The following NEDD9 variants were observed in gnomAD, a reference collection of about 807,000 sequenced individuals.
The protein encoded by NEDD9 is enhancer of filamentation 1.
A neutral mutation model predicts 76.6 loss-of-function variants in NEDD9; 26 were observed. The ratio of observed to expected loss-of-function variants is 0.34; its 90% CI spans 0.25 to 0.47. The LOEUF (loss-of-function observed/expected upper bound fraction) is 0.47. Among genes scored for constraint, NEDD9 ranks in the 20% least tolerant of loss-of-function variants. The pLI is 1.00. For missense variants in NEDD9, 937 were observed against 1,058.5 expected, an observed-to-expected ratio of 0.89 and a Z score of 1.59; for synonymous variants, 392 against 414.2, an observed-to-expected ratio of 0.95 and a Z score of 0.65.
rs1179076971 is a variant in NEDD9 at position 11,190,722 on chromosome 6, A to G, written c.1147T>C (p.Ser383Pro). 1 of 1,614,058 alleles carries G rather than the reference A, an allele frequency of 6.2e-7. No homozygotes were observed. The highest frequency in any genetic ancestry group is 8.5e-7 in the Non-Finnish European group (1 of 1,180,040). Residue 383 changes from serine to proline, a missense_variant, in exon 5 of 7, where the codon TCT (serine) becomes CCT (proline). Coordinates refer to ENST00000379446, the MANE Select transcript of NEDD9 (RefSeq NM_006403.4). This position sits in a 1 kb window ranked among gnomAD's most constrained non-coding sequence, Gnocchi z 5.8. ...TGSTRSNMSTSSTSSKESSLS... is the reference protein window; with the variant it reads ...TGSTRSNMSTPSTSSKESSLS... ...GAGGACTCCTTGGAGGAGGTGGAAG[A>G]CGTGGACATGTTACTCCGGGTGCTG...
At chr6:11,296,838 C>T (rs894932430) in intron 3 of NEDD9, among the ~76,000 whole-genome samples, 3 of 152,144 alleles carry the variant, frequency 2.0e-5, no homozygotes, top group African/African-American at 7.2e-5. Context: ...AAGCAATTCT[C>T]CTGCCTCAGC....
Position 11,193,703 on chromosome 6 carries a change from G to A in NEDD9, c.460-11C>T, listed in dbSNP as rs759862844. On this transcript the variant is annotated splice_polypyrimidine_tract_variant and intron_variant, in intron 2 of 6. Coordinates refer to ENST00000379446, the MANE Select transcript of NEDD9 (RefSeq NM_006403.4). ...CACGGGGGTTATCACCTGTGGGAGAGAAGGCACAGAGGTGTAAATTTCCAA... is the reference window on the plus strand; with the variant it reads ...CACGGGGGTTATCACCTGTGGGAGAAAAGGCACAGAGGTGTAAATTTCCAA... The A allele has an allele frequency of 6.3e-6, 10 of 1,599,272 alleles. No individual in the cohort carries two copies. Among genetic ancestry groups the A allele is most frequent in the South Asian group, 4.4e-5 (4 of 90,708 alleles).
chr6:11,341,905 G>A (rs967684239), intron 1 of NEDD9, among the ~76,000 whole-genome samples: 2 of 152,084 alleles, frequency 1.3e-5, no homozygotes, highest in African/African-American at 2.4e-5. Flanking sequence ...AAACATATAT[G>A]TTTTACAATA....
chr6:11,190,456 T>C lies in NEDD9; in HGVS notation c.1413A>G (p.Ala471=), dbSNP rs1330515969. The C allele has an allele frequency of 1.2e-6, 2 of 1,614,204 alleles. No homozygotes were observed. The highest frequency in any genetic ancestry group is 4.5e-5 in the East Asian group (2 of 44,882). Residue 471 remains alanine (A), a synonymous_variant, in exon 5 of 7, where the codon GCA becomes GCG. Transcript: ENST00000379446. This position sits in a 1 kb window ranked among gnomAD's most constrained non-coding sequence, Gnocchi z 5.8. ...TGAGTTCCGGGAGGCAGGCAGCATT[T>C]GCAACAGCTCCCTTGACAAAGTGGA... The part of the protein sequence containing the change: ...EYLHFVKGAV[A]NAACLPELIL...
chr6:11,333,637 A>C lies in NEDD9; in HGVS notation c.-153+864T>G, dbSNP rs1460250051. Among the ~76,000 whole-genome samples the C allele has an allele frequency of 3.3e-5, 5 of 152,228 alleles. No individual in the cohort carries two copies. The South Asian group carries it at 6.2e-4, about 19-fold the overall frequency. ...GCCTGGAGAGGGACTCCCTCCTGGC[A>C]GGGAAGGCTGTCTCTACTTGCTCCT... On this transcript the variant is annotated intron_variant, in intron 2 of 3. Transcript: ENST00000397378.
intron 1 of NEDD9, among the ~76,000 whole-genome samples, chr6:11,340,994 C>A (rs990984761): frequency 2.0e-5 from 3 of 152,182 alleles, no homozygotes; most frequent in African/African-American, 7.2e-5. Flanking sequence ...CCCTACCGTT[C>A]TAAGTCAGGC....
chr6:11,346,941 C>G (rs1298531725), intron 1 of NEDD9, among the ~76,000 whole-genome samples: 1 of 152,134 alleles, frequency 6.6e-6, no homozygotes, highest in Admixed American at 6.5e-5. Flanking sequence ...CTGTTACCTG[C>G]TCCCCAAACT....
chr6:11,290,969 C>T lies in NEDD9; in HGVS notation c.12+15023G>A, dbSNP rs187683642. The stretch of plus-strand genomic sequence containing the variant: ...TGTACTCTGCTTTCTAGCCTGCTCC[C>T]TAACATGTCCCACACACTCCCTCTT... On this transcript the variant is annotated intron_variant, in intron 3 of 3. Coordinates refer to the NEDD9 transcript ENST00000397378. Among the ~76,000 whole-genome samples the T allele has an allele frequency of 5.3e-5, 8 of 152,286 alleles. No individual in the cohort carries two copies. The East Asian group carries it at 9.7e-4, about 18-fold the overall frequency.
At chr6:11,341,810 G>A (rs1030833002) in intron 1 of NEDD9, among the ~76,000 whole-genome samples, 3 of 151,996 alleles carry the variant, frequency 2.0e-5, no homozygotes, top group African/African-American at 4.8e-5. Flanking sequence ...ACCATACAAG[G>A]GTAGTGTAAT....
chr6:11,319,752 A>G (rs1393076599), intron 2 of NEDD9, among the ~76,000 whole-genome samples: 2 of 76,930 alleles, frequency 2.6e-5, no homozygotes, highest in Non-Finnish European at 6.2e-5. Flanking sequence ...ACACACACTA[A>G]CATGCACACT....
chr6:11,310,865 C>T (rs1216639129), intron 2 of NEDD9, among the ~76,000 whole-genome samples: 1 of 152,196 alleles, frequency 6.6e-6, no homozygotes, highest in African/African-American at 2.4e-5. Flanking sequence ...ACTTCCTCAA[C>T]TTCCCTCCTC....
chr6:11,254,441 T>A lies in NEDD9; in HGVS notation c.13-40714A>T, dbSNP rs193239843. 3.0e-3 allele frequency among the ~76,000 whole-genome samples: 454 copies of A among 152,336 alleles called. 3 individuals carry two copies. The highest frequency in any genetic ancestry group is 0.01 in the African/African-American group (418 of 41,576). ...TCTGAAGCTGAAGCTTAAATATAAC[T>A]GGGAGCCCTGTATTTTTAAAAATTA... On this transcript the variant is annotated intron_variant, in intron 3 of 3. Coordinates refer to the NEDD9 transcript ENST00000397378.
At chr6:11,186,936 A>G (rs991325956) in intron 6 of NEDD9, among the ~76,000 whole-genome samples, 1 of 152,114 alleles carries the variant, frequency 6.6e-6, no homozygotes, top group Admixed American at 6.5e-5. Flanking sequence ...TTACTTTTCT[A>G]GAATCTGTTT....
At chr6:11,351,943 G>A (rs530960507) in intron 1 of NEDD9, among the ~76,000 whole-genome samples, 1 of 152,374 alleles carries the variant, frequency 6.6e-6, no homozygotes, top group East Asian at 1.9e-4. Flanking sequence ...AGGGTTGTGA[G>A]CAACACAGTC....
At chr6:11,270,893 G>A (rs1760292650) in intron 3 of NEDD9, among the ~76,000 whole-genome samples, 1 of 152,226 alleles carries the variant, frequency 6.6e-6, no homozygotes, top group Non-Finnish European at 1.5e-5. Context: ...GCTGAGTATT[G>A]GAGGAAGCAG....
chr6:11,371,422 C>T (rs779432716), intron 1 of NEDD9, among the ~76,000 whole-genome samples: 13 of 152,164 alleles, frequency 8.5e-5, no homozygotes, highest in Non-Finnish European at 1.8e-4. Context: ...CCATGCCTCA[C>T]CTATTCATCC....
At chr6:11,341,420 G>T (rs1047104353) in intron 1 of NEDD9, among the ~76,000 whole-genome samples, 2 of 152,156 alleles carry the variant, frequency 1.3e-5, no homozygotes, top group African/African-American at 4.8e-5. Flanking sequence ...AGAAGTCCTT[G>T]CATGCGTATG....
At chr6:11,365,315 C>T (rs550778438) in intron 1 of NEDD9, among the ~76,000 whole-genome samples, 66 of 152,328 alleles carry the variant, frequency 4.3e-4, no homozygotes, top group Non-Finnish European at 7.9e-4. Flanking sequence ...TTCCTGCTGA[C>T]CGCCTGCCTA....
intron 2 of NEDD9, among the ~76,000 whole-genome samples, chr6:11,209,552 G>A (rs1436420081): frequency 6.6e-6 from 1 of 152,212 alleles, no homozygotes; most frequent in South Asian, 2.1e-4. Flanking sequence ...GAAAGGAAAC[G>A]CAAGGTGAGA....
Sources: gnomAD v4.1 joint callset for allele counts (sites outside exome capture counted in the v4.1 genomes callset) on GRCh38, gnomAD v4.1.1 for gene constraint, Gnocchi (gnomAD v3.1) non-coding constraint, MANE v1.5 for transcripts, NCBI Gene and HGNC (gene_info 2026-07-23, HGNC 2026-07-21) for gene names.